PARD3B: variants seen among roughly 807,000 people sequenced by gnomAD.
PARD3B encodes the protein par-3 family cell polarity regulator beta, also known as partitioning defective 3 homolog B.
PARD3B carries 103 observed loss-of-function variants against 130.2 expected under a neutral mutation model. The observed-to-expected ratio is 0.79, with a 90% CI of 0.67 to 0.93. The LOEUF is 0.93. Among genes scored for constraint, PARD3B ranks in the 40% least tolerant of loss-of-function variants. The pLI is 0.00. For synonymous variants in PARD3B, 583 were observed against 553.2 expected (o/e 1.05, Z -0.76); for missense variants, 1,609 against 1,499.2 (o/e 1.07, Z -1.21).
chr2:204,752,418 A>G lies in PARD3B; in HGVS notation c.222+66136A>G, dbSNP rs540291885. Among the ~76,000 whole-genome samples, 32 of 152,318 alleles carry G rather than the reference A, an allele frequency of 2.1e-4. No individual in the cohort carries two copies. The South Asian group carries it at 6.0e-3, about 29-fold the overall frequency. ...GCAGCTGTTTAGCCATTGATTCAGC[A>G]TCATACAAGCACACATCTAATGAAT... On this transcript the variant is annotated intron_variant, in intron 2 of 22. Transcript: ENST00000406610.
At chr2:204,886,407 A>C (rs2046272701) in intron 2 of PARD3B, among the ~76,000 whole-genome samples, 1 of 152,242 alleles carries the variant, frequency 6.6e-6, no homozygotes, top group Non-Finnish European at 1.5e-5. Context: ...CAGTGTCTCC[A>C]GTAAATATTG....
rs2051546949 is a variant in PARD3B, at chr2:205,530,607, C to G, written c.3181-22717C>G. 6.6e-6 allele frequency among the ~76,000 whole-genome samples: 1 copy of G among 152,102 alleles called. No homozygotes were observed. Among genetic ancestry groups the G allele is most frequent in the South Asian group, 2.1e-4 (1 of 4,832 alleles). On this transcript the variant is annotated intron_variant, in intron 21 of 22. Transcript: ENST00000406610. The surrounding 1 kb of genome is among the most constrained non-coding windows in gnomAD (Gnocchi z 4.7). ...CCTCTTCGGGTAACACCCTTCCATC[C>G]TGAGGAGCTAGAGAATCCGAGATTC...
intron 21 of PARD3B, among the ~76,000 whole-genome samples, chr2:205,546,660 T>C (rs2052393300): frequency 6.6e-6 from 1 of 152,174 alleles, no homozygotes; most frequent in Admixed American, 6.6e-5. Flanking sequence ...TAACCACAAC[T>C]TCTTAAAATT....
intron 18 of PARD3B, among the ~76,000 whole-genome samples, chr2:205,320,537 T>C (rs1336198643): frequency 1.3e-5 from 2 of 152,212 alleles, no homozygotes; most frequent in Non-Finnish European, 2.9e-5. Context: ...TCTAATAGAC[T>C]GTTTAACAAT....
chr2:205,374,965 T>C (rs189424485), intron 18 of PARD3B, among the ~76,000 whole-genome samples: 114 of 152,314 alleles, frequency 7.5e-4, no homozygotes, highest in Non-Finnish European at 1.3e-3. Flanking sequence ...ATTTAAATTA[T>C]TATGATACAT....
At chr2:205,583,422 A>T (rs1257756133) in intron 22 of PARD3B, among the ~76,000 whole-genome samples, 2 of 96,794 alleles carry the variant, frequency 2.1e-5, no homozygotes, top group Admixed American at 1.6e-4. Flanking sequence ...CGCGTGTGAG[A>T]GAGAGAGAGA....
chr2:205,164,822 T>TACACACAC (rs71032448), intron 11 of PARD3B, among the ~76,000 whole-genome samples: 3,790 of 147,312 alleles, frequency 0.026, 83 homozygotes, highest in African/African-American at 0.055. Flanking sequence ...TATATATGTA[T>TACACACAC]ACACACACAC....
intron 2 of PARD3B, among the ~76,000 whole-genome samples, chr2:204,884,463 A>G (rs778454744): frequency 2.1e-4 from 32 of 152,052 alleles, no homozygotes; most frequent in Non-Finnish European, 3.8e-4. Flanking sequence ...CTTTTTTTCA[A>G]CTTTTGAGTT....
chr2:205,575,636 T>C lies in PARD3B; in HGVS notation c.3260+22233T>C, dbSNP rs147326592. ...GCTTGGAATCACACAGTATGTAGCC[T>C]TTTCAGATTGGCTTCTTTCACTTTA... On this transcript the variant is annotated intron_variant, in intron 22 of 22. Transcript: ENST00000406610. The surrounding 1 kb of genome is among the most constrained non-coding windows in gnomAD (Gnocchi z 4.6). 1.4e-3 allele frequency among the ~76,000 whole-genome samples: 212 copies of C among 152,262 alleles called. No homozygotes were observed. Among genetic ancestry groups the C allele is most frequent in the African/African-American group, 5.1e-3 (210 of 41,558 alleles).
chr2:205,014,336 A>G (rs950372268), intron 3 of PARD3B, among the ~76,000 whole-genome samples: 1 of 152,102 alleles, frequency 6.6e-6, no homozygotes, highest in African/African-American at 2.4e-5. Context: ...TGTGATCCTG[A>G]GGTCTGACTG....
At chr2:204,858,749 A>G (rs1312557632) in intron 2 of PARD3B, among the ~76,000 whole-genome samples, 2 of 148,678 alleles carry the variant, frequency 1.3e-5, no homozygotes, top group African/African-American at 4.9e-5. Context: ...GTTTTACTGT[A>G]TATATAGGTG....
At chr2:205,611,384 A>G (rs1575484631) in intron 22 of PARD3B, among the ~76,000 whole-genome samples, 2 of 152,206 alleles carry the variant, frequency 1.3e-5, no homozygotes, top group Admixed American at 1.3e-4. Flanking sequence ...AGAGCTGGCT[A>G]TCTGACCAGC....
intron 2 of PARD3B, among the ~76,000 whole-genome samples, chr2:204,753,134 T>C (rs1192918345): frequency 6.6e-6 from 1 of 152,198 alleles, no homozygotes; most frequent in Non-Finnish European, 1.5e-5. Flanking sequence ...ACTCAGACCA[T>C]TGGCTTATTT....
At chr2:205,025,315 T>A (rs559695261) in intron 3 of PARD3B, among the ~76,000 whole-genome samples, 1 of 152,308 alleles carries the variant, frequency 6.6e-6, no homozygotes, top group African/African-American at 2.4e-5. Context: ...TTGCTGTGGC[T>A]GTGTTTTTCG....
rs2044001712 is a variant in PARD3B, at chr2:205,351,766, A to G, written c.2631-49247A>G. Among the ~76,000 whole-genome samples the G allele has an allele frequency of 6.6e-6, 1 of 151,236 alleles. No homozygotes were observed. Among genetic ancestry groups the G allele is most frequent in the African/African-American group, 2.4e-5 (1 of 41,266 alleles). On this transcript the variant is annotated intron_variant, in intron 18 of 22. Coordinates refer to ENST00000406610, the MANE Select transcript of PARD3B (RefSeq NM_001302769.2). This position sits in a 1 kb window ranked among gnomAD's most constrained non-coding sequence, Gnocchi z 4.2. ...AGGTGGGTTGCTAGCCTATCACCAG[A>G]TTATTAAAGTAAGTGTAATGTAGGG...
chr2:205,016,649 GA>G (rs1274672500), intron 3 of PARD3B, among the ~76,000 whole-genome samples: 1 of 152,190 alleles, frequency 6.6e-6, no homozygotes, highest in Non-Finnish European at 1.5e-5. Context: ...GGCTTCTTCT[GA>G]AAATATAGGT....
intron 1 of PARD3B, among the ~76,000 whole-genome samples, chr2:204,553,864 C>T (rs1195870308): frequency 6.6e-6 from 1 of 151,026 alleles, no homozygotes; most frequent in Non-Finnish European, 1.5e-5. Context: ...TTCTCACTGA[C>T]ACAAAGGACT....
chr2:204,591,017 A>G (rs963096479), intron 1 of PARD3B, among the ~76,000 whole-genome samples: 1 of 152,246 alleles, frequency 6.6e-6, no homozygotes, highest in African/African-American at 2.4e-5. Flanking sequence ...ATAACTTAAA[A>G]TGAGAAAAAT....
chr2:205,376,278 A>G (rs1272214558), intron 18 of PARD3B, among the ~76,000 whole-genome samples: 1 of 152,204 alleles, frequency 6.6e-6, no homozygotes, highest in Non-Finnish European at 1.5e-5. Flanking sequence ...CAAGCCAAGC[A>G]GGGCCTCACC....
Sources: allele counts gnomAD v4.1 joint callset (sites outside exome capture counted in the v4.1 genomes callset), GRCh38; gene constraint gnomAD v4.1.1; non-coding constraint Gnocchi (gnomAD v3.1); transcripts MANE v1.5; gene names NCBI Gene and HGNC (gene_info 2026-07-23, HGNC 2026-07-21).